Variants in GRM5 observed in about 807,000 individuals in gnomAD.
GRM5 encodes the protein metabotropic glutamate receptor 5.
In GRM5, 19 loss-of-function variants were observed where a neutral mutation model predicts 83.1. The ratio of observed to expected loss-of-function variants is 0.23; its 90% confidence interval spans 0.16 to 0.34. GRM5 has a LOEUF of 0.34. Among genes scored for constraint, GRM5 ranks in the 10% least tolerant of loss-of-function variants. The pLI is 1.00. For missense variants in GRM5, 1,160 were observed against 1,588.3 expected (o/e 0.73, Z 4.58); for synonymous variants, 675 against 633.6 (o/e 1.07, Z -0.98).
chr11:88,754,144 G>A (rs1349399154), intron 3 of GRM5, among the ~76,000 whole-genome samples: 2 of 152,118 alleles, frequency 1.3e-5, no homozygotes, highest in African/African-American at 4.8e-5. Flanking sequence ...GGACATGGAT[G>A]GATTTGGAAA....
intron 4 of GRM5, among the ~76,000 whole-genome samples, chr11:88,623,059 G>C (rs905383606): frequency 2.0e-5 from 3 of 151,956 alleles, no homozygotes; most frequent in Non-Finnish European, 2.9e-5. Flanking sequence ...TTATGATAAT[G>C]ATGATGGTAA....
chr11:88,574,681 C>T (rs541146461), intron 7 of GRM5, among the ~76,000 whole-genome samples: 6 of 152,066 alleles, frequency 3.9e-5, no homozygotes, highest in East Asian at 3.9e-4. Context: ...GCAGGAGAAT[C>T]GCTTGAACCC....
At chr11:88,917,583 A>T (rs1360219321) in intron 2 of GRM5, among the ~76,000 whole-genome samples, 1 of 152,162 alleles carries the variant, frequency 6.6e-6, no homozygotes, top group Non-Finnish European at 1.5e-5. Flanking sequence ...AATGAAATTC[A>T]GGACATTACA....
rs191055038 is a variant in GRM5, at chr11:88,600,912, A to G, written c.1395-3560T>C. Among the ~76,000 whole-genome samples the G allele has an allele frequency of 1.2e-3, 177 of 152,348 alleles. 1 individual carries two copies. In the Middle Eastern group the frequency reaches 0.014, roughly 12 times the overall value. ...GGGTTGGCATAATAAGCCCTGGTCCATACAACAAAGCAATTACAATGATCT... is the reference window on the plus strand; with the variant it reads ...GGGTTGGCATAATAAGCCCTGGTCCGTACAACAAAGCAATTACAATGATCT... On this transcript the variant is annotated intron_variant, in intron 5 of 9. Coordinates refer to ENST00000305447, the MANE Select transcript of GRM5 (RefSeq NM_001143831.3).
intron 2 of GRM5, among the ~76,000 whole-genome samples, chr11:89,037,719 G>A (rs554198472): frequency 7.9e-5 from 12 of 152,034 alleles, no homozygotes; most frequent in South Asian, 2.1e-4. Context: ...ATTTTTGCTC[G>A]TTTTAAATGA....
At chr11:88,971,740 AT>A (rs200024609) in intron 2 of GRM5, among the ~76,000 whole-genome samples, 2 of 151,936 alleles carry the variant, frequency 1.3e-5, no homozygotes, top group Admixed American at 6.6e-5. Flanking sequence ...GCATAAATAG[AT>A]TTTTTTTATC....
At chr11:88,890,844 T>A (rs1391712977) in intron 2 of GRM5, among the ~76,000 whole-genome samples, 2 of 152,106 alleles carry the variant, frequency 1.3e-5, no homozygotes, top group Non-Finnish European at 2.9e-5. Flanking sequence ...TTGCTAAGAG[T>A]TAACAGTGCA....
intron 7 of GRM5, among the ~76,000 whole-genome samples, chr11:88,583,490 A>G (rs1943255645): frequency 6.6e-6 from 1 of 152,348 alleles, no homozygotes; most frequent in Admixed American, 6.5e-5. Context: ...TTATGATTGA[A>G]AAGCAGGAGA....
intron 3 of GRM5, among the ~76,000 whole-genome samples, chr11:88,811,028 C>T (rs924780651): frequency 6.6e-6 from 1 of 152,054 alleles, no homozygotes; most frequent in African/African-American, 2.4e-5. Flanking sequence ...AAGTTTTGGG[C>T]AAAGATTATC....
Position 88,829,404 on chromosome 11 carries a change from T to C in GRM5, c.911+20502A>G, listed in dbSNP as rs576628942. The stretch of plus-strand genomic sequence containing the variant: ...TGAATCTGGGAGGTGGAGGTTTCAG[T>C]GAGCTGAGATTGTGCTACTGCACTC... On this transcript the variant is annotated intron_variant, in intron 3 of 9. Transcript: ENST00000305447. Among the ~76,000 whole-genome samples, 4 of 152,236 alleles carry C rather than the reference T, an allele frequency of 2.6e-5. No individual in the cohort carries two copies. The South Asian group carries it at 8.3e-4, about 32-fold the overall frequency.
At chr11:88,636,153 T>C (rs536204878) in intron 4 of GRM5, among the ~76,000 whole-genome samples, 12 of 152,314 alleles carry the variant, frequency 7.9e-5, no homozygotes, top group African/African-American at 2.9e-4. Context: ...TTTCACTGAC[T>C]AGAACCTATA....
chr11:88,546,221 A>G (rs1942382954), intron 8 of GRM5, among the ~76,000 whole-genome samples: 1 of 151,986 alleles, frequency 6.6e-6, no homozygotes, highest in Admixed American at 6.6e-5. Flanking sequence ...ATTTCACTGT[A>G]ATACCTCATC....
At chr11:89,044,794 A>T (rs925358333) in intron 2 of GRM5, among the ~76,000 whole-genome samples, 1 of 151,962 alleles carries the variant, frequency 6.6e-6, no homozygotes, top group Non-Finnish European at 1.5e-5. Flanking sequence ...ATGATAACTG[A>T]CACTATCATT....
intron 4 of GRM5, among the ~76,000 whole-genome samples, chr11:88,647,550 C>T (rs12361580): frequency 6.6e-6 from 1 of 152,034 alleles, no homozygotes; most frequent in Non-Finnish European, 1.5e-5. Context: ...CATAAAAACC[C>T]TAGAAGAAAA....
chr11:88,947,246 G>C (rs1938309992), intron 2 of GRM5, among the ~76,000 whole-genome samples: 1 of 151,980 alleles, frequency 6.6e-6, no homozygotes, highest in African/African-American at 2.4e-5. Context: ...ATATTTTGCT[G>C]TTCTTGCATG....
At chr11:88,685,207 G>T (rs1940589906) in intron 3 of GRM5, among the ~76,000 whole-genome samples, 1 of 152,194 alleles carries the variant, frequency 6.6e-6, no homozygotes, top group African/African-American at 2.4e-5. Flanking sequence ...TGAGGAACTT[G>T]TTGGGAACTG....
chr11:88,896,251 A>G (rs1239404022), intron 2 of GRM5, among the ~76,000 whole-genome samples: 1 of 151,912 alleles, frequency 6.6e-6, no homozygotes, highest in African/African-American at 2.4e-5. Flanking sequence ...ATACATAAAT[A>G]AGGCAATTGT....
rs533738556 is a variant in GRM5, at chr11:88,900,976, G to C, written c.662-50821C>G. ...CGATCCCATATTTGAAGTGATCTCT[G>C]TAAATTTTGTTAAAGGTAAAGCAGG... On this transcript the variant is annotated intron_variant, in intron 2 of 9. Coordinates refer to ENST00000305447, the MANE Select transcript of GRM5 (RefSeq NM_001143831.3). Among the ~76,000 whole-genome samples, 295 of 152,248 alleles carry C rather than the reference G, an allele frequency of 1.9e-3. 4 individuals carry two copies. The highest frequency in any genetic ancestry group is 6.7e-3 in the African/African-American group (280 of 41,560).
At chr11:88,789,911 G>T (rs1943141993) in intron 3 of GRM5, among the ~76,000 whole-genome samples, 1 of 152,072 alleles carries the variant, frequency 6.6e-6, no homozygotes, top group Admixed American at 6.6e-5. Flanking sequence ...CTGGAGGGCA[G>T]TGGCGCAATC....
Sources: gnomAD v4.1 joint callset for allele counts (sites outside exome capture counted in the v4.1 genomes callset) on GRCh38, gnomAD v4.1.1 for gene constraint, MANE v1.5 for transcripts, NCBI Gene and HGNC (gene_info 2026-07-23, HGNC 2026-07-21) for gene names.